The following DRC11 variants were observed in gnomAD, a reference collection of about 807,000 sequenced individuals.
DRC11 encodes dynein regulatory complex subunit 11.
the DRC11 span, among the ~76,000 whole-genome samples, chr2:236,356,667 T>C: frequency 3.9e-3 from 594 of 151,938 alleles, 4 homozygotes; most frequent in African/African-American, 0.014. Context: ...AGAGAAAATA[T>C]GTGTAAAACG....
chr2:236,338,488 C>T, the DRC11 span: 1 of 1,027,678 alleles, frequency 9.7e-7, no homozygotes, highest in Non-Finnish European at 1.4e-6. Flanking sequence ...AAAGTGATTG[C>T]AAAGCTCTGA....
chr2:236,503,822 C>T, the DRC11 span: 16 of 866,422 alleles, frequency 1.8e-5, no homozygotes, highest in East Asian at 2.7e-5. The surrounding 1 kb of genome is among the most constrained non-coding windows in gnomAD (Gnocchi z 4.9). Context: ...CCCCACTTTG[C>T]GCTCAGCCCA....
chr2:236,489,773 A>T, the DRC11 span, among the ~76,000 whole-genome samples: 5 of 152,148 alleles, frequency 3.3e-5, no homozygotes, highest in East Asian at 1.9e-4. Flanking sequence ...AATTTTTTTT[A>T]AATTAGTGGA....
chr2:236,310,758 T>TG, the DRC11 span, among the ~76,000 whole-genome samples: 2 of 152,220 alleles, frequency 1.3e-5, no homozygotes, highest in South Asian at 2.1e-4. This position sits in a 1 kb window ranked among gnomAD's most constrained non-coding sequence, Gnocchi z 5.5. Flanking sequence ...TCACAGGACG[T>TG]GGGCATTGTG....
At chr2:236,438,593 T>C in the DRC11 span, among the ~76,000 whole-genome samples, 128 of 152,246 alleles carry the variant, frequency 8.4e-4, no homozygotes, top group Non-Finnish European at 1.4e-3. Flanking sequence ...TGTTCTTCCA[T>C]TTGTTTGTAT....
the DRC11 span, among the ~76,000 whole-genome samples, chr2:236,406,848 C>T: frequency 6.1e-3 from 927 of 152,018 alleles, 10 homozygotes; most frequent in African/African-American, 0.021. The surrounding 1 kb of genome is among the most constrained non-coding windows in gnomAD (Gnocchi z 4.7). Context: ...CGGGTTCATG[C>T]CATTCTCCTG....
chr2:236,380,608 TCTTTC>T, the DRC11 span: 1 of 1,551,534 alleles, frequency 6.4e-7, no homozygotes, highest in Non-Finnish European at 8.7e-7. This position sits in a 1 kb window ranked among gnomAD's most constrained non-coding sequence, Gnocchi z 4.9. Context: ...TGCCTTCTTC[TCTTTC>T]TTTTTGCCTT....
At chr2:236,311,197 A>G in the DRC11 span, among the ~76,000 whole-genome samples, 3 of 152,124 alleles carry the variant, frequency 2.0e-5, no homozygotes, top group Non-Finnish European at 2.9e-5. The surrounding 1 kb of genome is among the most constrained non-coding windows in gnomAD (Gnocchi z 6.9). Flanking sequence ...CTGCCTCTCA[A>G]TGAGATCTCC....
the DRC11 span, among the ~76,000 whole-genome samples, chr2:236,484,106 A>G: frequency 8.7e-3 from 1,323 of 152,332 alleles, 48 homozygotes; most frequent in East Asian, 0.12. Context: ...CATTGGTTAA[A>G]ATGTCGTATT....
At chr2:236,364,546 C>G in the DRC11 span, among the ~76,000 whole-genome samples, 3 of 152,094 alleles carry the variant, frequency 2.0e-5, no homozygotes, top group African/African-American at 7.2e-5. Context: ...GTTAACCTGA[C>G]GCTTGATAAT....
chr2:236,491,267 T>C, the DRC11 span, among the ~76,000 whole-genome samples: 3 of 83,664 alleles, frequency 3.6e-5, no homozygotes, highest in African/African-American at 1.4e-4. Flanking sequence ...TATATATATA[T>C]ATATACACAC....
the DRC11 span, among the ~76,000 whole-genome samples, chr2:236,482,139 A>G: frequency 1.3e-5 from 2 of 150,918 alleles, no homozygotes; most frequent in African/African-American, 4.9e-5. This position sits in a 1 kb window ranked among gnomAD's most constrained non-coding sequence, Gnocchi z 4.5. Context: ...ATAATTCTAC[A>G]TATTATATGT....
At chr2:236,324,657 A>C in the DRC11 span, 4 of 1,258,830 alleles carry the variant, frequency 3.2e-6, no homozygotes, top group South Asian at 5.1e-5. The surrounding 1 kb of genome is among the most constrained non-coding windows in gnomAD (Gnocchi z 5.7). Context: ...GAAAGGCATT[A>C]CTTTTTCTTT....
At chr2:236,419,580 C>T in the DRC11 span, among the ~76,000 whole-genome samples, 1 of 152,180 alleles carries the variant, frequency 6.6e-6, no homozygotes, top group African/African-American at 2.4e-5. The surrounding 1 kb of genome is among the most constrained non-coding windows in gnomAD (Gnocchi z 4.8). Flanking sequence ...TAGGGGAGGT[C>T]ATAGCTTCCT....
the DRC11 span, among the ~76,000 whole-genome samples, chr2:236,307,980 AGCGTCCTCGTGTGCTTGCAGTGACGCAG>A: frequency 1.7e-3 from 221 of 130,562 alleles, 4 homozygotes; most frequent in South Asian, 0.023. This position sits in a 1 kb window ranked among gnomAD's most constrained non-coding sequence, Gnocchi z 7.0. Context: ...CAGTGACACA[AGCGTCCTCGTGTGCTTGCAGTGACGCAG>A]GCGTCCTCGT....
At chr2:236,399,403 C>T in the DRC11 span, 1 of 1,612,082 alleles carries the variant, frequency 6.2e-7, no homozygotes, top group Non-Finnish European at 8.5e-7. The surrounding 1 kb of genome is among the most constrained non-coding windows in gnomAD (Gnocchi z 7.0). Context: ...GCACGTTCTC[C>T]TAAACTGACC....
the DRC11 span, among the ~76,000 whole-genome samples, chr2:236,473,097 A>G: frequency 6.6e-6 from 1 of 152,246 alleles, no homozygotes; most frequent in African/African-American, 2.4e-5. The surrounding 1 kb of genome is among the most constrained non-coding windows in gnomAD (Gnocchi z 4.8). Flanking sequence ...TTTAAATAAA[A>G]ATAATCAAAG....
the DRC11 span, among the ~76,000 whole-genome samples, chr2:236,429,176 T>G: frequency 9.3e-4 from 142 of 152,248 alleles, no homozygotes; most frequent in African/African-American, 3.2e-3. The surrounding 1 kb of genome is among the most constrained non-coding windows in gnomAD (Gnocchi z 5.9). Context: ...TGTTGGGGTA[T>G]GTGGTGGCTC....
chr2:236,482,044 A>AATTCTACATATTATATGTATG, the DRC11 span, among the ~76,000 whole-genome samples: 1 of 146,078 alleles, frequency 6.8e-6, no homozygotes, highest in African/African-American at 2.6e-5. This position sits in a 1 kb window ranked among gnomAD's most constrained non-coding sequence, Gnocchi z 4.5. Flanking sequence ...TTCTAGGTAT[A>AATTCTACATATTATATGTATG]ATTCTACATA....
Sources: allele counts gnomAD v4.1 joint callset (sites outside exome capture counted in the v4.1 genomes callset), GRCh38; gene constraint gnomAD v4.1.1; non-coding constraint Gnocchi (gnomAD v3.1); transcripts MANE v1.5; gene names NCBI Gene and HGNC (gene_info 2026-07-23, HGNC 2026-07-21).